The following PLCB4 variants were observed in gnomAD, a reference collection of about 807,000 sequenced individuals.
PLCB4 encodes the protein 1-phosphatidylinositol 4,5-bisphosphate phosphodiesterase beta-4.
Under a neutral mutation model 178.8 loss-of-function variants are expected in PLCB4, and 77 were observed. The observed-to-expected ratio is 0.43, with a 90% confidence interval of 0.36 to 0.52. PLCB4 has a LOEUF of 0.52. Among genes scored for constraint, PLCB4 ranks in the 20% least tolerant of loss-of-function variants. PLCB4 has a pLI of 0.00. For missense variants in PLCB4, 1,024 were observed against 1,453.4 expected (o/e 0.70, Z 4.80); for synonymous variants, 496 against 490.8 (o/e 1.01, Z -0.14).
chr20:9,140,998 A>C (rs2092478831), intron 2 of PLCB4, among the ~76,000 whole-genome samples: 1 of 152,138 alleles, frequency 6.6e-6, no homozygotes, highest in Non-Finnish European at 1.5e-5. Context: ...ACTGCCGCTC[A>C]TCCCCATTGG....
At chr20:9,292,651 A>G (rs573536202) in intron 3 of PLCB4, among the ~76,000 whole-genome samples, 245 of 152,340 alleles carry the variant, frequency 1.6e-3, no homozygotes, top group Non-Finnish European at 2.7e-3. Flanking sequence ...TTGGTAAAGA[A>G]TGGAAACTCA....
intron 3 of PLCB4, among the ~76,000 whole-genome samples, chr20:9,228,709 C>T (rs1423133494): frequency 6.6e-6 from 1 of 152,178 alleles, no homozygotes; most frequent in Non-Finnish European, 1.5e-5. Flanking sequence ...TTAGACACTG[C>T]TGAGCCTAGA....
At chr20:9,349,074 A>G (rs2034089826) in intron 7 of PLCB4, among the ~76,000 whole-genome samples, 1 of 152,058 alleles carries the variant, frequency 6.6e-6, no homozygotes, top group African/African-American at 2.4e-5. Flanking sequence ...AAAGAAAAGA[A>G]AAGAAAAAGA....
At chr20:9,422,789 C>T (rs898860580) in intron 27 of PLCB4, among the ~76,000 whole-genome samples, 3 of 152,090 alleles carry the variant, frequency 2.0e-5, no homozygotes, top group African/African-American at 7.2e-5. Flanking sequence ...TGGCAAATCC[C>T]AAGCCTCTAT....
In PLCB4 at chr20:9,468,604, G is replaced by A. The variant is rs777880682; in HGVS notation, c.3282G>A (p.Lys1094=). The part of the protein sequence containing the change: ...ESKEMRAHQA[K]ISMENSKAIS... ...AGGAAATGCGAGCACACCAGGCTAA[G>A]ATTTCTATGGAAAATAGCAAAGCCA... Residue 1094 remains lysine, a synonymous_variant, in exon 36 of 40, where the codon AAG becomes AAA. Transcript: ENST00000378473. 1.9e-6 allele frequency: 3 copies of A among 1,611,922 alleles called. No homozygotes were observed. The highest frequency in any genetic ancestry group is 1.7e-6 in the Non-Finnish European group (2 of 1,178,224).
At chr20:9,322,234 T>C (rs916529075) in intron 4 of PLCB4, among the ~76,000 whole-genome samples, 1 of 151,274 alleles carries the variant, frequency 6.6e-6, no homozygotes, top group Non-Finnish European at 1.5e-5. Context: ...ACTGGGATTA[T>C]AGGCATGAGC....
intron 2 of PLCB4, among the ~76,000 whole-genome samples, chr20:9,142,135 G>T (rs186902911): frequency 1.6e-4 from 24 of 152,228 alleles, no homozygotes; most frequent in African/African-American, 5.5e-4. Flanking sequence ...AGGTAGTTTT[G>T]ATGAGGAAGA....
At chr20:9,169,212 C>T (rs1445600848) in intron 2 of PLCB4, among the ~76,000 whole-genome samples, 1 of 152,134 alleles carries the variant, frequency 6.6e-6, no homozygotes, top group Non-Finnish European at 1.5e-5. Context: ...TCTCACTTAA[C>T]ACACAATTTT....
At chr20:9,377,937 A>G (rs2036814742) in intron 12 of PLCB4, among the ~76,000 whole-genome samples, 1 of 152,176 alleles carries the variant, frequency 6.6e-6, no homozygotes, top group African/African-American at 2.4e-5. Flanking sequence ...AAAAACACAG[A>G]TTAATAGGTT....
intron 9 of PLCB4, among the ~76,000 whole-genome samples, chr20:9,367,182 A>G (rs2035858275): frequency 6.6e-6 from 1 of 152,242 alleles, no homozygotes; most frequent in African/African-American, 2.4e-5. Flanking sequence ...CTTGTATATT[A>G]AACAATCACG....
intron 2 of PLCB4, among the ~76,000 whole-genome samples, chr20:9,177,485 G>A (rs1446366537): frequency 1.3e-5 from 2 of 152,162 alleles, no homozygotes; most frequent in South Asian, 2.1e-4. Context: ...CTAAAATAGC[G>A]GTAGGCTTGG....
At position 9,213,128 on chromosome 20, in the gene PLCB4, C is replaced by CTTTT. The variant is rs56785951; in HGVS notation, c.-78-4235_-78-4232dup. Among the ~76,000 whole-genome samples the CTTTT allele has an allele frequency of 8.4e-4, 30 of 35,726 alleles. 6 individuals are homozygous for CTTTT. Among genetic ancestry groups the CTTTT allele is most frequent in the African/African-American group, 3.2e-3 (26 of 8,120 alleles). 23.4% of individuals were successfully genotyped at this position (35,726 alleles called of 152,430 possible). ...TGCTTGGCTTCTCTCCGTTAGCATA[C>CTTTT]TTTTTTTTTTTTTTTTTTTTTTTTT... On this transcript the variant is annotated intron_variant, in intron 2 of 39. Coordinates refer to ENST00000378473, the MANE Select transcript of PLCB4 (RefSeq NM_001377142.1).
intron 3 of PLCB4, among the ~76,000 whole-genome samples, chr20:9,243,564 C>T (rs1005898883): frequency 3.9e-5 from 6 of 152,208 alleles, no homozygotes; most frequent in African/African-American, 1.4e-4. Flanking sequence ...TTTCTCAAGG[C>T]TCTTGATGAC....
chr20:9,236,031 A>G (rs2093989082), intron 3 of PLCB4, among the ~76,000 whole-genome samples: 1 of 152,194 alleles, frequency 6.6e-6, no homozygotes, highest in Admixed American at 6.5e-5. Flanking sequence ...GAGCCCAGGT[A>G]ACCTGATAAA....
chr20:9,338,710 T>C lies in PLCB4; in HGVS notation c.226-184T>C, dbSNP rs748850502. Among the ~76,000 whole-genome samples, 14 of 152,158 alleles carry C rather than the reference T, an allele frequency of 9.2e-5. 1 individual carries two copies. Among genetic ancestry groups the C allele is most frequent in the Admixed American group, 2.6e-4 (4 of 15,284 alleles). ...ACCAAAAAATTTGTAATACCTTTCT[T>C]ATCAGTTGATTTCAAGGAATATATA... On this transcript the variant is annotated intron_variant, in intron 6 of 39. Transcript: ENST00000378473.
At chr20:9,461,244 A>T (rs1224625638) in intron 35 of PLCB4, among the ~76,000 whole-genome samples, 1 of 152,248 alleles carries the variant, frequency 6.6e-6, no homozygotes, top group Non-Finnish European at 1.5e-5. Flanking sequence ...AGAGATCATG[A>T]CCTAGTTACT....
chr20:9,080,558 C>T (rs2090094907), intron 1 of PLCB4, among the ~76,000 whole-genome samples: 1 of 152,058 alleles, frequency 6.6e-6, no homozygotes, highest in Admixed American at 6.6e-5. Flanking sequence ...TTTGGTTGTC[C>T]ATTACTCACT....
intron 3 of PLCB4, among the ~76,000 whole-genome samples, chr20:9,264,884 G>A (rs896383151): frequency 6.6e-6 from 1 of 152,132 alleles, no homozygotes; most frequent in African/African-American, 2.4e-5. Flanking sequence ...CCAGTGTCAA[G>A]AGACATCATC....
intron 3 of PLCB4, among the ~76,000 whole-genome samples, chr20:9,218,367 A>G (rs1463566312): frequency 1.3e-5 from 2 of 152,202 alleles, no homozygotes; most frequent in Admixed American, 1.3e-4. Flanking sequence ...GGCCTCCCAA[A>G]GTGCTGGAAT....
Sources: gnomAD v4.1 joint callset for allele counts (sites outside exome capture counted in the v4.1 genomes callset) on GRCh38, gnomAD v4.1.1 for gene constraint, MANE v1.5 for transcripts, NCBI Gene and HGNC (gene_info 2026-07-23, HGNC 2026-07-21) for gene names.